The following PLAC1 variants were observed in gnomAD, a reference collection of about 807,000 sequenced individuals.
PLAC1 encodes placenta associated 1, also known as placenta-specific protein 1.
For synonymous variants in PLAC1, 68 were observed against 62.1 expected (o/e 1.09, Z -0.44); for missense variants, 136 against 163.2 (o/e 0.83, Z 0.91).
At chrX:134,596,480 A>C (rs1260740300) in intron 2 of PLAC1, among the ~76,000 whole-genome samples, 1 of 112,421 alleles carries the variant, frequency 8.9e-6, no homozygotes, top group Non-Finnish European at 1.9e-5. Flanking sequence ...TATAGGATTT[A>C]GTTCTTTTCT....
intron 2 of PLAC1, among the ~76,000 whole-genome samples, chrX:134,574,417 C>G (rs190842023): frequency 3.9e-4 from 44 of 112,301 alleles, no homozygotes; most frequent in African/African-American, 1.4e-3. Flanking sequence ...ACCCCTTCCC[C>G]CACTCCTTCT....
intron 1 of PLAC1, among the ~76,000 whole-genome samples, chrX:134,634,029 C>T (rs2078272858): frequency 9.3e-6 from 1 of 107,329 alleles, no homozygotes; most frequent in African/African-American, 3.4e-5. Context: ...CAAGTCACTT[C>T]CTCTTTCTGA....
chrX:134,581,438 T>C (rs1180386255), intron 2 of PLAC1, among the ~76,000 whole-genome samples: 2 of 109,043 alleles, frequency 1.8e-5, no homozygotes, highest in Non-Finnish European at 3.8e-5. Flanking sequence ...ACTGAGTTTA[T>C]TTCCCCCCAA....
At chrX:134,701,270 A>G (rs1455511960) in intron 2 of PLAC1, among the ~76,000 whole-genome samples, 2 of 111,874 alleles carry the variant, frequency 1.8e-5, no homozygotes, top group African/African-American at 6.5e-5. Context: ...ACCTTTTACC[A>G]TATACAAAAA....
At chrX:134,657,097 T>A (rs914128887) in intron 1 of PLAC1, among the ~76,000 whole-genome samples, 2 of 111,837 alleles carry the variant, frequency 1.8e-5, no homozygotes, top group Non-Finnish European at 3.8e-5. Context: ...CCTTTAACTC[T>A]GATTGTCTCT....
chrX:134,588,698 G>A (rs1046429457), intron 2 of PLAC1, among the ~76,000 whole-genome samples: 1 of 110,630 alleles, frequency 9.0e-6, no homozygotes. Context: ...TTGAGAGAAG[G>A]GATGAATTCA....
intron 2 of PLAC1, among the ~76,000 whole-genome samples, chrX:134,590,860 C>G (rs189102293): frequency 2.0e-5 from 2 of 102,037 alleles, no homozygotes; most frequent in Non-Finnish European, 4.0e-5. Context: ...ACCCTCCCCC[C>G]CCACCCCACC....
intron 2 of PLAC1, among the ~76,000 whole-genome samples, chrX:134,674,963 T>C (rs937681215): frequency 8.9e-6 from 1 of 112,541 alleles, no homozygotes; most frequent in African/African-American, 3.2e-5. Flanking sequence ...TCGTTCTTTA[T>C]TCTCTTCAAT....
intron 2 of PLAC1, among the ~76,000 whole-genome samples, chrX:134,721,824 C>T (rs1056783175): frequency 2.3e-4 from 25 of 110,895 alleles, no homozygotes; most frequent in African/African-American, 7.9e-4. Flanking sequence ...GATCATGCCA[C>T]TGCACTCCAG....
At chrX:134,661,397 G>A (rs767344559), upstream of PLAC1, among the ~76,000 whole-genome samples, 2 of 111,891 alleles carry the variant, frequency 1.8e-5, no homozygotes, top group African/African-American at 6.5e-5. Context: ...AAATGAATGA[G>A]CACCATGAGT....
At chrX:134,581,078 G>A (rs1432925856) in intron 2 of PLAC1, among the ~76,000 whole-genome samples, 3 of 112,012 alleles carry the variant, frequency 2.7e-5, no homozygotes, top group Non-Finnish European at 3.8e-5. Context: ...GACAGGGATT[G>A]TGTGTCTTTC....
At chrX:134,618,798 G>A (rs1452819893) in intron 1 of PLAC1, among the ~76,000 whole-genome samples, 1 of 111,831 alleles carries the variant, frequency 8.9e-6, no homozygotes, top group African/African-American at 3.3e-5. Flanking sequence ...GAGAGATTAA[G>A]TGACTTTCCC....
At chrX:134,611,989 C>G (rs375519298) in intron 1 of PLAC1, among the ~76,000 whole-genome samples, 1 of 111,709 alleles carries the variant, frequency 9.0e-6, no homozygotes, top group Non-Finnish European at 1.9e-5. Context: ...TCTCTTCAGC[C>G]GAGATGTAAT....
At chrX:134,576,527 C>T (rs1249850281) in intron 2 of PLAC1, among the ~76,000 whole-genome samples, 2 of 91,416 alleles carry the variant, frequency 2.2e-5, no homozygotes, top group Admixed American at 1.3e-4. Context: ...CAGAGTGAGA[C>T]TCTGTCTCAA....
chrX:134,566,167 CTCT>C lies in PLAC1; in HGVS notation c.513_515del (p.Glu172del). ...CTTGGTGACAAGGGACCTGGGTATGCTCTTCTTCACTGAAGACACAAGGTGGAC... is the reference window on the plus strand; with the variant it reads ...CTTGGTGACAAGGGACCTGGGTATGCTCTTCACTGAAGACACAAGGTGGAC... On this transcript the variant is annotated inframe_deletion, in exon 3 of 3. Coordinates refer to ENST00000359237, the MANE Select transcript of PLAC1 (RefSeq NM_021796.4). 8.3e-7 allele frequency: 1 copy of C among 1,211,490 alleles called. No individual in the cohort carries two copies.
chrX:134,634,266 G>A (rs1349741988), intron 1 of PLAC1, among the ~76,000 whole-genome samples: 1 of 112,159 alleles, frequency 8.9e-6, no homozygotes, highest in Non-Finnish European at 1.9e-5. Context: ...GGAAGAGAGT[G>A]CCCATGTCCT....
intron 2 of PLAC1, among the ~76,000 whole-genome samples, chrX:134,707,440 G>A (rs1379137614): frequency 8.9e-6 from 1 of 112,198 alleles, no homozygotes; most frequent in East Asian, 2.8e-4. Flanking sequence ...TTCTCCTAAT[G>A]CTATTGCTCC....
intron 2 of PLAC1, among the ~76,000 whole-genome samples, chrX:134,580,617 T>C (rs940675243): frequency 4.5e-5 from 5 of 110,751 alleles, no homozygotes; most frequent in African/African-American, 1.6e-4. Flanking sequence ...TCTAGGGTGG[T>C]GGAGAGGTGG....
intron 2 of PLAC1, among the ~76,000 whole-genome samples, chrX:134,595,166 T>C (rs1183498895): frequency 9.0e-6 from 1 of 111,240 alleles, no homozygotes; most frequent in East Asian, 2.8e-4. Context: ...GTTTGGATGT[T>C]TTCCTGTTAT....
Sources: allele counts gnomAD v4.1 joint callset (sites outside exome capture counted in the v4.1 genomes callset), GRCh38; gene constraint gnomAD v4.1.1; transcripts MANE v1.5; gene names NCBI Gene and HGNC (gene_info 2026-07-23, HGNC 2026-07-21).